Variants in ETV1 observed in about 807,000 individuals in gnomAD.
The protein encoded by ETV1 is ETS variant transcription factor 1.
Under a neutral mutation model 62.3 loss-of-function variants are expected in ETV1, and 27 were observed. That is an observed-to-expected ratio of 0.43 (90% CI 0.32 to 0.60). The LOEUF (loss-of-function observed/expected upper bound fraction) is 0.60. Among genes scored for constraint, ETV1 ranks in the 20% least tolerant of loss-of-function variants. The probability of loss-of-function intolerance (pLI) is 0.06; values close to 1 mark genes in which losing one functional copy is unlikely to be tolerated. For synonymous variants in ETV1, 222 were observed against 199.6 expected (o/e 1.11, Z -0.94); for missense variants, 605 against 605.8 (o/e 1.00, Z 0.01).
intron 5 of ETV1, among the ~76,000 whole-genome samples, chr7:13,981,729 A>G (rs1412083370): frequency 6.6e-6 from 1 of 152,090 alleles, no homozygotes; most frequent in East Asian, 1.9e-4. Context: ...AACTATTTTT[A>G]TCATAAGAAT....
At chr7:13,967,573 T>C (rs530913762) in intron 6 of ETV1, among the ~76,000 whole-genome samples, 76 of 152,162 alleles carry the variant, frequency 5.0e-4, no homozygotes, top group Non-Finnish European at 9.9e-4. Context: ...AAAAAAACAA[T>C]AGCATCTAAC....
chr7:13,900,916 T>C (rs1782349767), intron 12 of ETV1, 77 bp from the exon 13 acceptor site: 4 of 994,838 alleles, frequency 4.0e-6, no homozygotes, highest in Non-Finnish European at 6.0e-6. Flanking sequence ...TTTAATTAAT[T>C]ACTTCCAAAC....
chr7:13,934,619 C>A (rs1033456531), intron 8 of ETV1, among the ~76,000 whole-genome samples: 11 of 152,106 alleles, frequency 7.2e-5, no homozygotes, highest in African/African-American at 2.7e-4. Flanking sequence ...ACTTCACAAT[C>A]AAAAAATATG....
chr7:13,913,580 T>G (rs1342901082), intron 9 of ETV1, among the ~76,000 whole-genome samples: 1 of 152,200 alleles, frequency 6.6e-6, no homozygotes, highest in Non-Finnish European at 1.5e-5. Flanking sequence ...ATGGGACTTA[T>G]TATTAATAAC....
intron 13 of ETV1, among the ~76,000 whole-genome samples, chr7:13,899,119 T>TGTGCAATACTGCC (rs1782137672): frequency 6.6e-6 from 1 of 152,212 alleles, no homozygotes; most frequent in Non-Finnish European, 1.5e-5. Flanking sequence ...CTGTTACTGC[T>TGTGCAATACTGCC]GTGCAATACT....
At chr7:13,903,331 T>A (rs530294522) in intron 12 of ETV1, among the ~76,000 whole-genome samples, 1 of 152,340 alleles carries the variant, frequency 6.6e-6, no homozygotes, top group Admixed American at 6.5e-5. Flanking sequence ...AATATCACGC[T>A]TGAATATGTA....
At chr7:13,947,023 G>A (rs112488024) in intron 6 of ETV1, among the ~76,000 whole-genome samples, 7,628 of 152,144 alleles carry the variant, frequency 0.05, 512 homozygotes, top group African/African-American at 0.16. Context: ...ACTCCAGACC[G>A]CCTCGGCCTC....
chr7:13,986,944 C>T, intron 4 of ETV1: 3 of 383,756 alleles, frequency 7.8e-6, no homozygotes, highest in Non-Finnish European at 1.4e-5. Flanking sequence ...TTTTAACAAA[C>T]AGCTTAATAA....
Position 13,891,744 on chromosome 7 carries a change from A to G in ETV1, c.*4122T>C. ...TTCTTAGTAGAATTGCTTAATATGT[A>G]CATTTGCCTTCTTTATATTTTTTCC... On this transcript the variant is annotated 3_prime_UTR_variant, in exon 14 of 14. Coordinates refer to ENST00000430479, the MANE Select transcript of ETV1 (RefSeq NM_004956.5). 4.3e-6 allele frequency: 1 copy of G among 232,134 alleles called. No individual in the cohort carries two copies. Among genetic ancestry groups the G allele is most frequent in the East Asian group, 6.1e-5 (1 of 16,318 alleles). The allele number at this position is 232,134 out of a possible 1,614,324, so 14.4% of individuals were successfully genotyped here.
chr7:13,949,522 T>C (rs1194244254), intron 6 of ETV1, among the ~76,000 whole-genome samples: 1 of 152,106 alleles, frequency 6.6e-6, no homozygotes, highest in African/African-American at 2.4e-5. Flanking sequence ...TCAAAGATTC[T>C]TTCTAGTACA....
chr7:13,942,173 G>A (rs1050068033), intron 6 of ETV1, among the ~76,000 whole-genome samples: 111 of 151,682 alleles, frequency 7.3e-4, no homozygotes, highest in African/African-American at 2.6e-3. Flanking sequence ...ACAGGCGCCC[G>A]CCACCACGCC....
rs377401533 is a variant in ETV1 at position 13,961,238 on chromosome 7, T to C, written c.235+16189A>G. On this transcript the variant is annotated intron_variant, in intron 6 of 13. Transcript: ENST00000430479. ...TGAAATACTTTGGGTCAAATACATCTGGTCCTGTAGAAGCCCAGCCATAGC... is the reference window on the plus strand; with the variant it reads ...TGAAATACTTTGGGTCAAATACATCCGGTCCTGTAGAAGCCCAGCCATAGC... Among the ~76,000 whole-genome samples, 7 of 152,326 alleles carry C rather than the reference T, an allele frequency of 4.6e-5. 1 individual carries two copies. Among genetic ancestry groups the C allele is most frequent in the Middle Eastern group, 6.8e-3 (2 of 294 alleles).
intron 6 of ETV1, among the ~76,000 whole-genome samples, chr7:13,974,469 T>G (rs1367775754): frequency 6.6e-6 from 1 of 152,074 alleles, no homozygotes; most frequent in Non-Finnish European, 1.5e-5. Context: ...CAAGGCCAAA[T>G]AGCTGTGTGT....
intron 9 of ETV1, among the ~76,000 whole-genome samples, chr7:13,930,344 C>T (rs971085421): frequency 9.9e-5 from 15 of 151,908 alleles, no homozygotes; most frequent in East Asian, 1.9e-4. Context: ...TTTTTTGAGA[C>T]GGAGTCTTAC....
At chr7:13,902,921 AG>A (rs1395590324) in intron 12 of ETV1, among the ~76,000 whole-genome samples, 1 of 152,232 alleles carries the variant, frequency 6.6e-6, no homozygotes, top group Non-Finnish European at 1.5e-5. Flanking sequence ...ATGTAGTCTT[AG>A]AGTTGTTTTA....
At chr7:13,916,407 G>T (rs555475658) in intron 9 of ETV1, among the ~76,000 whole-genome samples, 3 of 152,276 alleles carry the variant, frequency 2.0e-5, no homozygotes, top group African/African-American at 4.8e-5. Context: ...GGAGGCCAAG[G>T]TGGGCGGATC....
At chr7:13,958,072 C>G (rs1789702526) in intron 6 of ETV1, among the ~76,000 whole-genome samples, 1 of 152,170 alleles carries the variant, frequency 6.6e-6, no homozygotes, top group African/African-American at 2.4e-5. Context: ...GTGACTATTT[C>G]TTTGAATTAC....
chr7:13,955,360 A>C (rs756124078), intron 6 of ETV1, among the ~76,000 whole-genome samples: 1 of 152,218 alleles, frequency 6.6e-6, no homozygotes, highest in Non-Finnish European at 1.5e-5. Context: ...TACAAAAGTA[A>C]AGACTGTGAT....
intron 8 of ETV1, among the ~76,000 whole-genome samples, chr7:13,932,692 T>C (rs1266554450): frequency 6.6e-6 from 1 of 152,194 alleles, no homozygotes. Context: ...CACAAAGATG[T>C]GGATTAATTA....
Sources: allele counts gnomAD v4.1 joint callset (sites outside exome capture counted in the v4.1 genomes callset), GRCh38; gene constraint gnomAD v4.1.1; transcripts MANE v1.5; gene names NCBI Gene and HGNC (gene_info 2026-07-23, HGNC 2026-07-21).